Variants in PRUNE2 observed in about 807,000 individuals in gnomAD.
PRUNE2 encodes prune homolog 2 with BCH domain, also known as protein prune homolog 2.
In PRUNE2, 164 loss-of-function variants were observed where a neutral mutation model predicts 252.0. That is an observed-to-expected ratio of 0.65 (90% CI 0.57 to 0.74). The LOEUF is 0.74. PRUNE2 is among the 30% of genes least tolerant of loss of function. PRUNE2 has a pLI of 0.00. For synonymous variants in PRUNE2, 1,292 were observed against 1,350.2 expected, an observed-to-expected ratio of 0.96 and a Z score of 0.94; for missense variants, 3,495 against 3,711.0, an observed-to-expected ratio of 0.94 and a Z score of 1.51.
intron 1 of PRUNE2, among the ~76,000 whole-genome samples, chr9:76,891,801 T>G (rs759733202): frequency 2.0e-5 from 3 of 152,220 alleles, no homozygotes; most frequent in Non-Finnish European, 2.9e-5. Context: ...CGCCCACCTC[T>G]GCCACTTACT....
intron 18 of PRUNE2, among the ~76,000 whole-genome samples, chr9:76,615,436 T>G (rs956407032): frequency 6.6e-6 from 1 of 152,250 alleles, no homozygotes; most frequent in Non-Finnish European, 1.5e-5. Context: ...TTGCGGCAGC[T>G]GAGCAGTGTT....
Position 76,887,319 on chromosome 9 carries a change from A to T in PRUNE2, c.36+18609T>A, listed in dbSNP as rs192725121. 3.4e-3 allele frequency among the ~76,000 whole-genome samples: 514 copies of T among 152,086 alleles called. 1 individual carries two copies. Among genetic ancestry groups the T allele is most frequent in the Non-Finnish European group, 6.0e-3 (406 of 67,980 alleles). On this transcript the variant is annotated intron_variant, in intron 1 of 18. Coordinates refer to ENST00000376718, the MANE Select transcript of PRUNE2 (RefSeq NM_015225.3). ...TTTCATTAATTGAAACTGTCCCCCA[A>T]ATCTCCTATTTTTTAAGGTTTTTAA...
intron 1 of PRUNE2, among the ~76,000 whole-genome samples, chr9:76,894,717 C>CAA (rs113594017): frequency 8.3e-5 from 10 of 120,668 alleles, no homozygotes; most frequent in African/African-American, 1.0e-4. Flanking sequence ...TTTTCTGCAG[C>CAA]AAAAAAAAAA....
intron 9 of PRUNE2, among the ~76,000 whole-genome samples, chr9:76,687,035 C>A (rs1005267561): frequency 2.0e-5 from 3 of 152,210 alleles, no homozygotes; most frequent in Non-Finnish European, 4.4e-5. Context: ...GCCACCGCAC[C>A]CAGCCCAGCC....
chr9:76,890,250 A>G (rs1213653685), intron 1 of PRUNE2, among the ~76,000 whole-genome samples: 1 of 152,228 alleles, frequency 6.6e-6, no homozygotes, highest in Non-Finnish European at 1.5e-5. Flanking sequence ...ATGTAGCTGC[A>G]CAGAAAACAC....
chr9:76,717,298 A>G (rs994267144), intron 6 of PRUNE2, among the ~76,000 whole-genome samples: 7 of 152,194 alleles, frequency 4.6e-5, no homozygotes, highest in African/African-American at 1.7e-4. Context: ...CAGGAGGCAG[A>G]GCGTGTTTGT....
At chr9:76,807,051 TGC>T (rs139801181) in intron 6 of PRUNE2, among the ~76,000 whole-genome samples, 150 of 139,436 alleles carry the variant, frequency 1.1e-3, no homozygotes, top group African/African-American at 2.6e-3. Context: ...TGTGTGTGTG[TGC>T]GCGCGCGCGT....
intron 16 of PRUNE2, 37 bp from the exon 17 acceptor site, chr9:76,624,527 A>G (rs373867798): frequency 4.4e-4 from 600 of 1,362,804 alleles, no homozygotes; most frequent in Non-Finnish European, 5.3e-4. Flanking sequence ...GAAAAGAAAC[A>G]AAAGAGAAGC....
At chr9:76,854,276 A>T (rs116070151) in intron 1 of PRUNE2, 68 bp from the exon 2 acceptor site, 5 of 825,626 alleles carry the variant, frequency 6.1e-6, no homozygotes, top group Non-Finnish European at 7.6e-6. Flanking sequence ...TATTTTTAAT[A>T]TTTTAAAAAA....
In PRUNE2 at chr9:76,705,523, T is replaced by C; in HGVS notation, c.6751A>G (p.Ile2251Val). 1 of 1,614,000 alleles carries C rather than the reference T, an allele frequency of 6.2e-7. No homozygotes were observed. Among genetic ancestry groups the C allele is most frequent in the South Asian group, 1.1e-5 (1 of 91,084 alleles). The change falls in exon 8 of 19, where the codon ATA (isoleucine) becomes GTA (valine). Residue 2251 changes from isoleucine to valine, a missense_variant. Physicochemically the swap from Ile to Val is conservative, Grantham distance 29 (BLOSUM62 3). Transcript: ENST00000376718. ...EPTPEGDGSW[I>V]SDSFSPESQP... ...CTTTCAGGAGAAAAGCTGTCTGATA[T>C]CCAAGAACCGTCACCTTCTGGAGTT...
At chr9:76,760,330 T>C (rs1253826712) in intron 6 of PRUNE2, among the ~76,000 whole-genome samples, 1 of 152,182 alleles carries the variant, frequency 6.6e-6, no homozygotes, top group Non-Finnish European at 1.5e-5. Context: ...TTACTGATGC[T>C]ATAGGATATT....
Position 76,705,566 on chromosome 9 carries a change from A to G in PRUNE2, c.6708T>C (p.Phe2236=), listed in dbSNP as rs2046252730. The part of the protein sequence containing the change: ...PRIENVATSI[F]VTHQEPTPEG... ...CTGGAGTTGGCTCTTGGTGAGTTAC[A>G]AAAATGCTAGTTGCCACATTTTCAA... The change falls in exon 8 of 19, where the codon TTT becomes TTC. Residue 2236 remains phenylalanine, a synonymous_variant. Coordinates refer to ENST00000376718, the MANE Select transcript of PRUNE2 (RefSeq NM_015225.3). The G allele has an allele frequency of 2.5e-6, 4 of 1,613,900 alleles. No individual in the cohort carries two copies. Among genetic ancestry groups the G allele is most frequent in the Non-Finnish European group, 3.4e-6 (4 of 1,179,890 alleles).
rs11145060 is a variant in PRUNE2 at position 76,783,537 on chromosome 9, G to A, written c.756+40095C>T. The stretch of plus-strand genomic sequence containing the variant: ...TATGTAGATTGCTTCATTTGTTCCT[G>A]CCAACAGCCCACTGAAATAAGTATT... On this transcript the variant is annotated intron_variant, in intron 6 of 18. Transcript: ENST00000376718. 1.6e-3 allele frequency among the ~76,000 whole-genome samples: 238 copies of A among 152,246 alleles called. 1 individual carries two copies. The highest frequency in any genetic ancestry group is 1.9e-3 in the Non-Finnish European group (126 of 68,024).
In PRUNE2 at chr9:76,708,061, C is replaced by T; in HGVS notation, c.4213G>A (p.Glu1405Lys). Reference protein sequence around the residue: ...EEPEEVLEYEEGSYNLDSRDV... With the variant: ...EEPEEVLEYEKGSYNLDSRDV... ...CGGGAGTCTAGATTGTAAGACCCCT[C>T]CTCATACTCTAAAACTTCCTCTGGT... The change falls in exon 8 of 19, where the codon GAG becomes AAG. Residue 1405 changes from glutamate to lysine, a missense_variant. By Grantham distance (56) the Glu-to-Lys change is moderately conservative. Coordinates refer to ENST00000376718, the MANE Select transcript of PRUNE2 (RefSeq NM_015225.3). 1.9e-6 allele frequency: 3 copies of T among 1,613,990 alleles called. No homozygotes were observed. The highest frequency in any genetic ancestry group is 2.2e-5 in the South Asian group (2 of 91,082).
rs1280599240 is a variant in PRUNE2, at chr9:76,629,218, G to A, written c.9123C>T (p.Cys3041=). ...TGATGATGCTCTCTGGAATGTGGAT[G>A]CAATCCATTGGGATCAGCCCACTGA... The part of the protein sequence containing the change: ...SELSGLIPMD[C]IHIPESIIKL... The change falls in exon 16 of 19, where the codon TGC becomes TGT. Residue 3041 remains cysteine (C), a synonymous_variant. Coordinates refer to ENST00000376718, the MANE Select transcript of PRUNE2 (RefSeq NM_015225.3). 1.2e-6 allele frequency: 2 copies of A among 1,604,030 alleles called. No homozygotes were observed. The highest frequency in any genetic ancestry group is 1.7e-6 in the Non-Finnish European group (2 of 1,173,658).
At chr9:76,625,233 C>T (rs568496291) in intron 16 of PRUNE2, among the ~76,000 whole-genome samples, 29 of 152,244 alleles carry the variant, frequency 1.9e-4, no homozygotes, top group African/African-American at 7.0e-4. Flanking sequence ...GTAGTGGTCC[C>T]CTAAATTAGA....
At chr9:76,781,417 G>A (rs1017153523) in intron 6 of PRUNE2, among the ~76,000 whole-genome samples, 6 of 152,132 alleles carry the variant, frequency 3.9e-5, no homozygotes, top group East Asian at 1.9e-4. Flanking sequence ...TGAATGTGCC[G>A]ACCTATTTCC....
rs762338253 is a variant in PRUNE2, at chr9:76,707,149, C to T, written c.5125G>A (p.Val1709Ile). Residue 1709 changes from valine to isoleucine, a missense_variant, in exon 8 of 19, where the codon GTT becomes ATT. Physicochemically the swap from Val to Ile is conservative, Grantham distance 29 (BLOSUM62 3). Coordinates refer to ENST00000376718, the MANE Select transcript of PRUNE2 (RefSeq NM_015225.3). Reference protein sequence around the residue: ...EEEIQVANCHVAEDESRAWDS... With the variant: ...EEEIQVANCHIAEDESRAWDS... ...CAAGCTCTGGATTCATCCTCAGCAA[C>T]GTGGCAGTTGGCCACCTGGATCTCT... is the stretch of plus-strand genomic sequence containing the variant. The T allele has an allele frequency of 2.7e-5, 44 of 1,613,970 alleles. No homozygotes were observed. Among genetic ancestry groups the T allele is most frequent in the Non-Finnish European group, 3.3e-5 (39 of 1,179,860 alleles).
chr9:76,903,282 T>C (rs2133771350), intron 1 of PRUNE2, among the ~76,000 whole-genome samples: 1 of 152,304 alleles, frequency 6.6e-6, no homozygotes, highest in South Asian at 2.1e-4. Flanking sequence ...ATGATGAGGT[T>C]ATGTTAGGAC....
Sources: allele counts gnomAD v4.1 joint callset (sites outside exome capture counted in the v4.1 genomes callset), GRCh38; gene constraint gnomAD v4.1.1; transcripts MANE v1.5; gene names NCBI Gene and HGNC (gene_info 2026-07-23, HGNC 2026-07-21).